Variants in PLA2G4E observed in about 807,000 individuals in gnomAD.
PLA2G4E encodes the protein phospholipase A2 group IVE, also known as cytosolic phospholipase A2 epsilon.
In PLA2G4E, 84 loss-of-function variants were observed where a neutral mutation model predicts 109.1. That is an observed-to-expected ratio of 0.77 (90% CI 0.65 to 0.92). The LOEUF is 0.92. PLA2G4E is among the 40% of genes least tolerant of loss of function. PLA2G4E has a pLI of 0.00. For synonymous variants in PLA2G4E, 469 were observed against 436.1 expected, an observed-to-expected ratio of 1.08 and a Z score of -0.94; for missense variants, 1,057 against 1,076.6, an observed-to-expected ratio of 0.98 and a Z score of 0.25.
At chr15:41,991,232 G>C (rs1027222956) in intron 13 of PLA2G4E, among the ~76,000 whole-genome samples, 6 of 152,180 alleles carry the variant, frequency 3.9e-5, no homozygotes, top group African/African-American at 1.4e-4. Flanking sequence ...CCCTGCCCTT[G>C]CTTTCCTGGG....
At chr15:42,009,363 C>T (rs927072817) in intron 2 of PLA2G4E, among the ~76,000 whole-genome samples, 4 of 152,232 alleles carry the variant, frequency 2.6e-5, no homozygotes, top group African/African-American at 9.6e-5. Context: ...TGCCCTGCCA[C>T]TGCCCTGGTG....
chr15:41,985,808 C>T (rs574887699), intron 18 of PLA2G4E, 31 bp downstream of exon 18: 1 of 1,592,444 alleles, frequency 6.3e-7, no homozygotes, highest in Admixed American at 1.8e-5. Flanking sequence ...GAGGCTGCAG[C>T]CCATGCTCAG....
At chr15:42,042,335 G>A (rs1178690098) in intron 1 of PLA2G4E, among the ~76,000 whole-genome samples, 1 of 152,064 alleles carries the variant, frequency 6.6e-6, no homozygotes, top group Admixed American at 6.5e-5. Flanking sequence ...AGTATATTAA[G>A]GGTTCAGGAA....
chr15:42,033,939 T>C (rs959662961), intron 1 of PLA2G4E, among the ~76,000 whole-genome samples: 4 of 152,024 alleles, frequency 2.6e-5, no homozygotes, highest in Non-Finnish European at 5.9e-5. Context: ...TGCACATGGA[T>C]GTGTAGGGAT....
exon 1 of PLA2G4E, chr15:42,050,647 T>C (rs1444286992): frequency 7.1e-6 from 11 of 1,550,592 alleles, no homozygotes; most frequent in Non-Finnish European, 8.7e-6. Context: ...GTGGGCTCTG[T>C]GGGACAAACA....
intron 1 of PLA2G4E, chr15:42,050,407 A>C: frequency 7.8e-7 from 1 of 1,282,944 alleles, no homozygotes; most frequent in Non-Finnish European, 1.1e-6. Context: ...GAAAGAAATG[A>C]ACAAAAACCA....
At chr15:42,049,645 T>G (rs2724947) in intron 1 of PLA2G4E, among the ~76,000 whole-genome samples, 6 of 152,064 alleles carry the variant, frequency 3.9e-5, no homozygotes, top group Middle Eastern at 3.4e-3. Flanking sequence ...AGGGGCCAGA[T>G]AGAAGGAGGC....
At chr15:42,002,331 A>G (rs1437013041) in intron 6 of PLA2G4E, among the ~76,000 whole-genome samples, 4 of 149,712 alleles carry the variant, frequency 2.7e-5, no homozygotes, top group Admixed American at 6.6e-5. Context: ...GGGGTACAGG[A>G]CCAAGACTGA....
chr15:42,015,009 C>T (rs886619874), intron 1 of PLA2G4E, among the ~76,000 whole-genome samples: 1 of 152,120 alleles, frequency 6.6e-6, no homozygotes, highest in Admixed American at 6.5e-5. Flanking sequence ...CTCCTCCTTC[C>T]GTCCTGCCCC....
chr15:42,027,693 G>A (rs896815490), intron 1 of PLA2G4E, among the ~76,000 whole-genome samples: 9 of 152,280 alleles, frequency 5.9e-5, no homozygotes, highest in African/African-American at 1.9e-4. Flanking sequence ...GGCTGCTCAC[G>A]TTTGTCCTAC....
exon 14 of PLA2G4E, chr15:41,990,221 T>A: frequency 6.2e-7 from 1 of 1,613,434 alleles, no homozygotes; most frequent in Non-Finnish European, 8.5e-7. Flanking sequence ...GATCTGACAG[T>A]TTGCATTCAT....
chr15:41,984,594 C>A (rs750961657), exon 19 of PLA2G4E: 1 of 1,610,034 alleles, frequency 6.2e-7, no homozygotes, highest in East Asian at 2.2e-5. Context: ...CTGCACAGTG[C>A]AGTACTCACA....
intron 2 of PLA2G4E, 113 bp from the exon 3 acceptor site, chr15:42,007,978 C>T: frequency 8.4e-7 from 1 of 1,185,652 alleles, no homozygotes; most frequent in Admixed American, 2.3e-5. Context: ...GCTCCAGTTC[C>T]TCTCCTCATT....
intron 16 of PLA2G4E, among the ~76,000 whole-genome samples, 154 bp downstream of exon 16, chr15:41,987,895 C>T (rs989510691): frequency 7.3e-5 from 11 of 150,424 alleles, no homozygotes; most frequent in Admixed American, 1.3e-4. Flanking sequence ...AGCCGGGGGC[C>T]GCCCCCCATC....
chr15:41,983,905 G>A (rs1300048219), exon 20 of PLA2G4E: 2 of 1,613,224 alleles, frequency 1.2e-6, no homozygotes, highest in Non-Finnish European at 1.7e-6. Context: ...CTCCTTGGTG[G>A]CATAGGGAGT....
chr15:41,995,350 G>A lies in PLA2G4E; in HGVS notation c.1247+10C>T, dbSNP rs2068320474. Reference sequence around the variant, plus strand: ...CTGGGCTCCACAGACAGTGGCTCATGTCTCCTTACCAGGTGGCCCCTGATA... The same window carrying A: ...CTGGGCTCCACAGACAGTGGCTCATATCTCCTTACCAGGTGGCCCCTGATA... On this transcript the variant is annotated intron_variant, in intron 12 of 19. Transcript: ENST00000399518. 1.9e-6 allele frequency: 3 copies of A among 1,610,366 alleles called. No individual in the cohort carries two copies. The highest frequency in any genetic ancestry group is 3.3e-5 in the Admixed American group (2 of 59,952).
At chr15:42,022,583 T>G (rs2068658257) in intron 1 of PLA2G4E, among the ~76,000 whole-genome samples, 1 of 152,006 alleles carries the variant, frequency 6.6e-6, no homozygotes, top group Non-Finnish European at 1.5e-5. Context: ...TCATAAGGAA[T>G]GTGCAACCTA....
At chr15:42,041,493 G>A (rs1889316288) in intron 1 of PLA2G4E, among the ~76,000 whole-genome samples, 1 of 152,114 alleles carries the variant, frequency 6.6e-6, no homozygotes, top group Non-Finnish European at 1.5e-5. Flanking sequence ...GCCTCCTGGG[G>A]TTGGGGAAAG....
chr15:42,015,888 T>A lies in PLA2G4E; in HGVS notation c.184-2131A>T, dbSNP rs564390033. ...TCGCACGGGTTCTCTTCAGGTGTCC[T>A]GGTTCTGTTCTTGGTTCATGCCTTT... On this transcript the variant is annotated intron_variant, in intron 1 of 19. Coordinates refer to ENST00000399518, the Ensembl canonical transcript of PLA2G4E. Among the ~76,000 whole-genome samples the A allele has an allele frequency of 5.2e-5, 8 of 152,388 alleles. No individual in the cohort carries two copies. In the South Asian group the frequency reaches 1.7e-3, roughly 32 times the overall value.
Sources: allele counts gnomAD v4.1 joint callset (sites outside exome capture counted in the v4.1 genomes callset), GRCh38; gene constraint gnomAD v4.1.1; transcripts MANE v1.5; gene names NCBI Gene and HGNC (gene_info 2026-07-23, HGNC 2026-07-21).